SHCBP1L: variants seen among roughly 807,000 people sequenced by gnomAD.
The protein encoded by SHCBP1L is testicular spindle-associated protein SHCBP1L.
A neutral mutation model predicts 62.5 loss-of-function variants in SHCBP1L; 67 were observed. The ratio of observed to expected loss-of-function variants is 1.07; its 90% CI spans 0.88 to 1.31. The LOEUF (loss-of-function observed/expected upper bound fraction) is 1.31. Among genes scored for constraint, SHCBP1L ranks in the 40% most tolerant of loss-of-function variants. The probability of loss-of-function intolerance (pLI) is 0.00; values close to 1 mark genes in which losing one functional copy is unlikely to be tolerated. For missense variants in SHCBP1L, 823 were observed against 809.8 expected, an observed-to-expected ratio of 1.02 and a Z score of -0.20; for synonymous variants, 284 against 289.4, an observed-to-expected ratio of 0.98 and a Z score of 0.19.
At position 182,905,477 on chromosome 1, in the gene SHCBP1L, C is replaced by T. The variant is rs377086009; in HGVS notation, c.1336+19G>A. On this transcript the variant is annotated intron_variant, in intron 7 of 9. Transcript: ENST00000367547. Reference sequence around the variant, plus strand: ...GTATACATTGCTGTAAAAAAAACTACAAAGGATGCCCTGCTAACCCTTTAT... The same window carrying T: ...GTATACATTGCTGTAAAAAAAACTATAAAGGATGCCCTGCTAACCCTTTAT... The T allele has an allele frequency of 1.8e-5, 29 of 1,610,938 alleles. No homozygotes were observed. Among genetic ancestry groups the T allele is most frequent in the Non-Finnish European group, 2.3e-5 (27 of 1,179,048 alleles).
chr1:182,922,063 A>G (rs544986209), intron 6 of SHCBP1L, among the ~76,000 whole-genome samples: 1 of 152,338 alleles, frequency 6.6e-6, no homozygotes, highest in Non-Finnish European at 1.5e-5. Flanking sequence ...ATGGCATTAC[A>G]TAATGATAAA....
intron 6 of SHCBP1L, among the ~76,000 whole-genome samples, chr1:182,915,161 CAAAAAAAAAAAAAAAAAAAAA>C (rs371432299): frequency 3.1e-5 from 1 of 31,888 alleles, no homozygotes; most frequent in East Asian, 1.7e-3. Flanking sequence ...GACTCTGTCT[CAAAAAAAAAAAAAAAAAAAAA>C]AAAAAAAAAA....
chr1:182,907,798 C>T (rs779240089), intron 6 of SHCBP1L, among the ~76,000 whole-genome samples: 11 of 152,040 alleles, frequency 7.2e-5, no homozygotes, highest in Non-Finnish European at 1.3e-4. Flanking sequence ...AGGCTGGTCT[C>T]GAACTCCTGA....
chr1:182,936,087 C>A (rs1310520954), intron 5 of SHCBP1L, among the ~76,000 whole-genome samples: 2 of 138,616 alleles, frequency 1.4e-5, no homozygotes, highest in Non-Finnish European at 3.2e-5. Context: ...TTTTCCCTTT[C>A]TTTTCTGCCT....
At chr1:182,942,255 C>CT (rs1651392488) in intron 2 of SHCBP1L, 6 of 1,352,014 alleles carry the variant, frequency 4.4e-6, no homozygotes, top group South Asian at 1.2e-5. Context: ...TTTGTTTGCA[C>CT]TTTTTTGTCT....
intron 6 of SHCBP1L, among the ~76,000 whole-genome samples, chr1:182,916,341 G>A (rs1032706416): frequency 1.3e-5 from 2 of 151,778 alleles, no homozygotes; most frequent in African/African-American, 2.4e-5. Flanking sequence ...TAAACCCAAA[G>A]CCAACAGTAA....
chr1:182,939,288 T>C lies in SHCBP1L; in HGVS notation c.964A>G (p.Ser322Gly). ...GCAGATGGATCTTCTTTAATATTGC[T>C]CTGATACTCAATGAGCTCGACACGT... ...NKRVELIEYQSNIKEDPSAAE... is the reference protein window; with the variant it reads ...NKRVELIEYQGNIKEDPSAAE... Residue 322 changes from serine (S) to glycine (G), a missense_variant, in exon 5 of 10, where the codon AGC becomes GGC. By Grantham distance (56) the Ser-to-Gly change is moderately conservative. Transcript: ENST00000367547. 6.2e-7 allele frequency: 1 copy of C among 1,614,028 alleles called. No homozygotes were observed. Among genetic ancestry groups the C allele is most frequent in the East Asian group, 2.2e-5 (1 of 44,830 alleles).
At chr1:182,921,050 T>C (rs1163387274) in intron 6 of SHCBP1L, among the ~76,000 whole-genome samples, 4 of 151,914 alleles carry the variant, frequency 2.6e-5, no homozygotes, top group African/African-American at 9.7e-5. Flanking sequence ...CTATACAAAA[T>C]GACCATCCCC....
chr1:182,952,629 C>T, intron 1 of SHCBP1L, 100 bp downstream of exon 1: 3 of 1,373,110 alleles, frequency 2.2e-6, no homozygotes, highest in African/African-American at 3.0e-5. Flanking sequence ...TTTCGTTGTG[C>T]CCTGTGGATC....
intron 6 of SHCBP1L, among the ~76,000 whole-genome samples, chr1:182,910,881 AT>A (rs1650160623): frequency 6.6e-6 from 1 of 151,618 alleles, no homozygotes. Flanking sequence ...TTATTTATCT[AT>A]TTTTTTGTTG....
chr1:182,951,477 GA>G lies in SHCBP1L; in HGVS notation c.406-11del. 1.3e-6 allele frequency: 2 copies of G among 1,523,380 alleles called. No homozygotes were observed. The highest frequency in any genetic ancestry group is 1.8e-6 in the Non-Finnish European group (2 of 1,136,676). 94.4% of individuals were successfully genotyped at this position (1,523,380 alleles called of 1,614,324 possible). ...CATCAGCATCTTCTGCCTAACAAGA[GA>G]AAAAATGGATCTACATATAAATATA... On this transcript the variant is annotated splice_polypyrimidine_tract_variant and intron_variant, in intron 1 of 9. Coordinates refer to ENST00000367547, the MANE Select transcript of SHCBP1L (RefSeq NM_030933.4).
chr1:182,913,889 G>A (rs1331640144), intron 6 of SHCBP1L, among the ~76,000 whole-genome samples: 1 of 152,212 alleles, frequency 6.6e-6, no homozygotes, highest in Admixed American at 6.5e-5. Flanking sequence ...GCTGAGGTAG[G>A]AGAATTGCTT....
chr1:182,903,317 T>C (rs1649901954), intron 8 of SHCBP1L, among the ~76,000 whole-genome samples, 156 bp from the exon 9 acceptor site: 1 of 152,196 alleles, frequency 6.6e-6, no homozygotes, highest in Non-Finnish European at 1.5e-5. Flanking sequence ...ATTGTAAAGA[T>C]AATATTTAAA....
chr1:182,935,214 ATAT>A (rs1651128872), intron 5 of SHCBP1L, among the ~76,000 whole-genome samples: 2 of 152,122 alleles, frequency 1.3e-5, no homozygotes, highest in African/African-American at 4.8e-5. Context: ...TATCTACAAA[ATAT>A]TTTGCTATGA....
chr1:182,904,322 T>C lies in SHCBP1L; in HGVS notation c.1445A>G (p.Gln482Arg), dbSNP rs1158532886. 6.2e-7 allele frequency: 1 copy of C among 1,614,150 alleles called. No homozygotes were observed. The highest frequency in any genetic ancestry group is 2.2e-5 in the East Asian group (1 of 44,884). ...CACCACGATACCATCAACCGTCCCT[T>C]GTTGTATCAAAGATAGATGCATTAG... ...VKLMHLSLIQQGTVDGIVVVE... is the reference protein window; with the variant it reads ...VKLMHLSLIQRGTVDGIVVVE... The change falls in exon 8 of 10, where the codon CAA becomes CGA. Residue 482 changes from glutamine to arginine, a missense_variant. Gln to Arg is a conservative substitution (Grantham distance 43). Transcript: ENST00000367547.
intron 6 of SHCBP1L, among the ~76,000 whole-genome samples, chr1:182,920,176 G>A (rs149728350): frequency 6.6e-6 from 1 of 152,318 alleles, no homozygotes; most frequent in Non-Finnish European, 1.5e-5. Flanking sequence ...CCATCGAAGT[G>A]TTGTTACCAG....
At chr1:182,919,662 G>A (rs4651133) in intron 6 of SHCBP1L, among the ~76,000 whole-genome samples, 3,309 of 152,256 alleles carry the variant, frequency 0.022, 56 homozygotes, top group Non-Finnish European at 0.035. Context: ...GAGGGATAAG[G>A]TAATTTTGGG....
At chr1:182,914,921 A>G (rs571921663) in intron 6 of SHCBP1L, among the ~76,000 whole-genome samples, 3 of 152,050 alleles carry the variant, frequency 2.0e-5, no homozygotes, top group African/African-American at 4.8e-5. Flanking sequence ...TGTAATCCCA[A>G]CCCTTTGGGA....
In SHCBP1L at chr1:182,913,702, C is replaced by T. The variant is rs149674927; in HGVS notation, c.1183-8053G>A. On this transcript the variant is annotated intron_variant, in intron 6 of 9. Transcript: ENST00000367547. ...CAAACAATTAAAATCCAAAGATAGG[C>T]GGGGCACAGTGGCTCACACCTGTAA... is the stretch of plus-strand genomic sequence containing the variant. Among the ~76,000 whole-genome samples, 21 of 152,204 alleles carry T rather than the reference C, an allele frequency of 1.4e-4. No individual in the cohort carries two copies. In the South Asian group the frequency reaches 3.3e-3, roughly 24 times the overall value.
Sources: allele counts gnomAD v4.1 joint callset (sites outside exome capture counted in the v4.1 genomes callset), GRCh38; gene constraint gnomAD v4.1.1; transcripts MANE v1.5; gene names NCBI Gene and HGNC (gene_info 2026-07-23, HGNC 2026-07-21).